The following MDGA2 variants were observed in gnomAD, a reference collection of about 807,000 sequenced individuals.
MDGA2 encodes MAM domain containing glycosylphosphatidylinositol anchor 2.
MDGA2 carries 40 observed loss-of-function variants against 117.8 expected under a neutral mutation model. That is an observed-to-expected ratio of 0.34 (90% CI 0.26 to 0.44). The LOEUF (loss-of-function observed/expected upper bound fraction) is 0.44, where lower values mean the gene tolerates loss of function less well. Among genes scored for constraint, MDGA2 ranks in the 20% least tolerant of loss-of-function variants. MDGA2 has a pLI of 1.00. For synonymous variants in MDGA2, 452 were observed against 439.0 expected (o/e 1.03, Z -0.37); for missense variants, 1,123 against 1,250.6 (o/e 0.90, Z 1.54).
intron 5 of MDGA2, among the ~76,000 whole-genome samples, chr14:47,107,375 C>T (rs951408487): frequency 2.0e-5 from 3 of 152,090 alleles, no homozygotes; most frequent in Non-Finnish European, 2.9e-5. Flanking sequence ...GTGCCAAACC[C>T]ATATACTCTC....
Position 47,045,680 on chromosome 14 carries a change from G to T in MDGA2, c.1526-10376C>A, listed in dbSNP as rs1013642918. 7.2e-5 allele frequency among the ~76,000 whole-genome samples: 11 copies of T among 152,048 alleles called. No homozygotes were observed. The East Asian group carries it at 1.5e-3, about 21-fold the overall frequency. ...CACTGGATTTGCTATAACAAGAAAG[G>T]GGGGGCAGGCGCAGTGATTCACGCC... On this transcript the variant is annotated intron_variant, in intron 7 of 16. Transcript: ENST00000399232.
chr14:47,030,471 G>A (rs1197156808), intron 8 of MDGA2, among the ~76,000 whole-genome samples: 3 of 151,796 alleles, frequency 2.0e-5, no homozygotes, highest in Non-Finnish European at 2.9e-5. Flanking sequence ...CTGGGATCAC[G>A]CCACTGCACC....
intron 14 of MDGA2, among the ~76,000 whole-genome samples, chr14:46,858,408 C>A (rs941625912): frequency 1.4e-5 from 1 of 71,708 alleles, no homozygotes; most frequent in African/African-American, 4.8e-5. Flanking sequence ...TTTTTCTTTT[C>A]TTTTTCTTTT....
At chr14:47,267,206 CA>C (rs969408950) in intron 2 of MDGA2, among the ~76,000 whole-genome samples, 1 of 151,750 alleles carries the variant, frequency 6.6e-6, no homozygotes. Flanking sequence ...ACTTTGATCT[CA>C]AAATATGATT....
chr14:46,967,267 G>A (rs1886073443), intron 8 of MDGA2, among the ~76,000 whole-genome samples: 1 of 152,032 alleles, frequency 6.6e-6, no homozygotes, highest in African/African-American at 2.4e-5. Flanking sequence ...TTTAACCATT[G>A]GAGGAGCACT....
chr14:47,206,002 A>G (rs1313507227), intron 3 of MDGA2, among the ~76,000 whole-genome samples: 1 of 152,070 alleles, frequency 6.6e-6, no homozygotes, highest in Non-Finnish European at 1.5e-5. Flanking sequence ...CACAAAGGGC[A>G]CTATTCAAAA....
At chr14:47,246,802 A>AACACACACACACACACACAC (rs34773547) in intron 2 of MDGA2, among the ~76,000 whole-genome samples, 74 of 141,850 alleles carry the variant, frequency 5.2e-4, no homozygotes, top group Middle Eastern at 3.7e-3. Context: ...CAGGTAATGA[A>AACACACACACACACACACAC]ACACACACAC....
chr14:47,085,091 G>T (rs1240471540), intron 6 of MDGA2, among the ~76,000 whole-genome samples: 1 of 151,920 alleles, frequency 6.6e-6, no homozygotes, highest in Admixed American at 6.6e-5. Context: ...GTGAAAATAA[G>T]AAAGTATTTC....
chr14:46,944,426 T>TGG (rs2138590053), intron 9 of MDGA2, among the ~76,000 whole-genome samples: 2 of 152,012 alleles, frequency 1.3e-5, no homozygotes, highest in South Asian at 4.1e-4. Flanking sequence ...TGGACTATGG[T>TGG]ATTCTTACGT....
At chr14:47,174,737 A>G (rs1322399250) in intron 3 of MDGA2, among the ~76,000 whole-genome samples, 1 of 152,238 alleles carries the variant, frequency 6.6e-6, no homozygotes, top group Non-Finnish European at 1.5e-5. Flanking sequence ...CAATTAAAAG[A>G]GCCAGAAAAG....
At chr14:47,411,205 G>A (rs1350620690) in intron 1 of MDGA2, among the ~76,000 whole-genome samples, 2 of 152,084 alleles carry the variant, frequency 1.3e-5, no homozygotes, top group East Asian at 3.9e-4. Flanking sequence ...AATTATAATA[G>A]GAATACCATA....
In MDGA2 at chr14:47,255,685, T is replaced by C. The variant is rs528611077; in HGVS notation, c.421-37490A>G. Among the ~76,000 whole-genome samples, 34 of 152,230 alleles carry C rather than the reference T, an allele frequency of 2.2e-4. No individual in the cohort carries two copies. The South Asian group carries it at 6.6e-3, about 30-fold the overall frequency. The stretch of plus-strand genomic sequence containing the variant: ...TTGTTACTTAAAAATGATAATTTGG[T>C]TTAATAGGTGCATTAGCTTTTATTC... On this transcript the variant is annotated intron_variant, in intron 2 of 16. Transcript: ENST00000399232.
At chr14:46,897,526 C>T (rs1883121606) in intron 10 of MDGA2, among the ~76,000 whole-genome samples, 1 of 152,044 alleles carries the variant, frequency 6.6e-6, no homozygotes, top group South Asian at 2.1e-4. Context: ...GAGCCTATTA[C>T]TTAAACAAAT....
chr14:47,351,828 A>G (rs966833049), intron 1 of MDGA2, among the ~76,000 whole-genome samples: 1 of 152,054 alleles, frequency 6.6e-6, no homozygotes, highest in African/African-American at 2.4e-5. Context: ...AATAAGAATA[A>G]TTAGTAAAGC....
chr14:47,216,159 G>C (rs1594729687), intron 3 of MDGA2, among the ~76,000 whole-genome samples: 1 of 152,078 alleles, frequency 6.6e-6, no homozygotes, highest in Non-Finnish European at 1.5e-5. Context: ...AATGAAAAAG[G>C]CTTTCTAGTA....
At chr14:46,880,628 C>A (rs1462803375) in intron 11 of MDGA2, among the ~76,000 whole-genome samples, 1 of 151,140 alleles carries the variant, frequency 6.6e-6, no homozygotes, top group Non-Finnish European at 1.5e-5. Context: ...CATGGAAAAA[C>A]CCCTTCTGTA....
chr14:46,865,826 A>C lies in MDGA2; in HGVS notation c.2752+7607T>G, dbSNP rs947060762. Among the ~76,000 whole-genome samples, 368 of 152,008 alleles carry C rather than the reference A, an allele frequency of 2.4e-3. 2 individuals carry two copies. Among genetic ancestry groups the C allele is most frequent in the African/African-American group, 8.4e-3 (350 of 41,484 alleles). ...AGAGAATAAAATACCTAGCAATCCA[A>C]CTTACAAGGGATGTGAAGGACCTCT... On this transcript the variant is annotated intron_variant, in intron 14 of 16. Transcript: ENST00000399232.
At position 47,674,754 on chromosome 14, in the gene MDGA2, G is replaced by A. The variant is rs756007339; in HGVS notation, c.43C>T (p.Arg15Cys). The A allele has an allele frequency of 1.9e-4, 139 of 715,914 alleles. No individual in the cohort carries two copies. In the Middle Eastern group the frequency reaches 2.8e-3, roughly 14 times the overall value. 44.3% of individuals were successfully genotyped at this position (715,914 alleles called of 1,614,324 possible). A position where few individuals can be genotyped will look rare whatever the true frequency, so the allele number is the denominator to read the frequency against. ...SAGLLRSARR[R>C]RRGRTDGRRF... ...CGTCCGTCTGTCCTTCCCCGGCGGC[G>A]GCGGCGAGCGGAGCGCAGGAGCCCC... Residue 15 changes from arginine to cysteine, a missense_variant, in exon 1 of 17, where the codon CGC (arginine) becomes TGC (cysteine). Physicochemically the swap from Arg to Cys is radical, Grantham distance 180. This residue lies in a region of MDGA2 where 233 missense variants were observed against 200.3 expected (regional missense o/e 1.16). Coordinates refer to ENST00000399232, the MANE Select transcript of MDGA2 (RefSeq NM_001113498.3).
intron 1 of MDGA2, among the ~76,000 whole-genome samples, chr14:47,377,933 G>C (rs1465473077): frequency 1.3e-5 from 2 of 152,224 alleles, no homozygotes; most frequent in Non-Finnish European, 2.9e-5. Flanking sequence ...CCTGACCCCT[G>C]AGTAGCCTAA....
Sources: allele counts gnomAD v4.1 joint callset (sites outside exome capture counted in the v4.1 genomes callset), GRCh38; gene constraint gnomAD v4.1.1; regional missense constraint gnomAD v4.1.1; transcripts MANE v1.5; gene names NCBI Gene and HGNC (gene_info 2026-07-23, HGNC 2026-07-21).